ARHGEF11: variants seen among roughly 807,000 people sequenced by gnomAD.
ARHGEF11 encodes the protein Rho guanine nucleotide exchange factor 11, also known as Rho guanine exchange factor (GEF) 11.
ARHGEF11 carries 55 observed loss-of-function variants against 193.7 expected under a neutral mutation model. That is an observed-to-expected ratio of 0.28 (90% CI 0.23 to 0.36). The LOEUF (loss-of-function observed/expected upper bound fraction) is 0.36. Among genes scored for constraint, ARHGEF11 ranks in the 10% least tolerant of loss-of-function variants. The pLI is 1.00. For missense variants in ARHGEF11, 1,723 were observed against 2,005.6 expected (o/e 0.86, Z 2.69); for synonymous variants, 693 against 768.0 (o/e 0.90, Z 1.62).
intron 1 of ARHGEF11, among the ~76,000 whole-genome samples, chr1:157,027,594 G>A (rs1302856727): frequency 6.6e-6 from 1 of 152,150 alleles, no homozygotes; most frequent in African/African-American, 2.4e-5. Flanking sequence ...TGAAGGAGAG[G>A]AGGGACAAAA....
rs1654934994 is a variant in ARHGEF11 at position 156,935,796 on chromosome 1, G to A, written c.*204C>T. 2 of 593,178 alleles carry A rather than the reference G, an allele frequency of 3.4e-6. No individual in the cohort carries two copies. Among genetic ancestry groups the A allele is most frequent in the Non-Finnish European group, 5.9e-6 (2 of 337,422 alleles). The allele number at this position is 593,178 out of a possible 1,614,324, so 36.7% of individuals were successfully genotyped here. A position where few individuals can be genotyped will look rare whatever the true frequency, so the allele number is the denominator to read the frequency against. Reference sequence around the variant, plus strand: ...GAGGCCTTGGAGGGTTGGGCTAAGGGAGGGAAAAGACACTGAAACCTGACT... The same window carrying A: ...GAGGCCTTGGAGGGTTGGGCTAAGGAAGGGAAAAGACACTGAAACCTGACT... On this transcript the variant is annotated 3_prime_UTR_variant, in exon 41 of 41. Coordinates refer to ENST00000368194, the MANE Select transcript of ARHGEF11 (RefSeq NM_198236.3).
chr1:156,935,549 C>A lies in ARHGEF11; in HGVS notation c.*451G>T. On this transcript the variant is annotated 3_prime_UTR_variant, in exon 41 of 41. Transcript: ENST00000368194. ...ACGATACATACATATTTATAGGAAA[C>A]CAAAGTGACAAAGAGGGGAGGGGAG... is the stretch of plus-strand genomic sequence containing the variant. 6.2e-6 allele frequency: 1 copy of A among 160,126 alleles called. No homozygotes were observed. Among genetic ancestry groups the A allele is most frequent in the Non-Finnish European group, 1.4e-5 (1 of 73,294 alleles). 9.9% of individuals were successfully genotyped at this position (160,126 alleles called of 1,614,324 possible).
Position 156,977,018 on chromosome 1 carries a change from T to C in ARHGEF11, c.547A>G (p.Arg183Gly). ...TTTTCTTCCTGCCTCAGCATATTCC[T>C]GAGGATCTGGGTGGCATGTTTTTGA... ...EVQKHATQIL[R>G]NMLRQEEKEL... The change falls in exon 7 of 41, where the codon AGG becomes GGG. Residue 183 changes from arginine to glycine, a missense_variant. Coordinates refer to ENST00000368194, the MANE Select transcript of ARHGEF11 (RefSeq NM_198236.3). The C allele has an allele frequency of 6.2e-7, 1 of 1,614,072 alleles. No individual in the cohort carries two copies. The highest frequency in any genetic ancestry group is 8.5e-7 in the Non-Finnish European group (1 of 1,179,964).
At chr1:157,046,778 G>A (rs1673353487), upstream of ARHGEF11, among the ~76,000 whole-genome samples, 1 of 152,118 alleles carries the variant, frequency 6.6e-6, no homozygotes, top group Non-Finnish European at 1.5e-5. Context: ...AATCATTAAG[G>A]CCGAGGCGGG....
chr1:156,995,667 T>C (rs1363413892), intron 1 of ARHGEF11, among the ~76,000 whole-genome samples: 2 of 149,956 alleles, frequency 1.3e-5, no homozygotes, highest in African/African-American at 2.4e-5. Context: ...GCTCAAGCAA[T>C]CCTCCCACCT....
At position 156,944,085 on chromosome 1, in the gene ARHGEF11, G is replaced by A. The variant is rs1657622906; in HGVS notation, c.3085C>T (p.Leu1029=). The change falls in exon 32 of 41, where the codon CTG becomes TTG. Residue 1029 remains leucine (L), a synonymous_variant. Coordinates refer to ENST00000368194, the MANE Select transcript of ARHGEF11 (RefSeq NM_198236.3). ...DKTLDLHVLL[L]EDLLVLLQKQ... is the part of the protein sequence containing the mutation. ...TGTAGCAGCACTAGGAGGTCCTCCAGCAGCAGCACGTGGAGGTCTGGAGGG... is the reference window on the plus strand; with the variant it reads ...TGTAGCAGCACTAGGAGGTCCTCCAACAGCAGCACGTGGAGGTCTGGAGGG... 2 of 1,613,788 alleles carry A rather than the reference G, an allele frequency of 1.2e-6. No homozygotes were observed. The highest frequency in any genetic ancestry group is 1.3e-5 in the African/African-American group (1 of 74,922).
Position 156,946,929 on chromosome 1 carries a change from G to A in ARHGEF11, c.2568+7C>T, listed in dbSNP as rs377610989. On this transcript the variant is annotated splice_region_variant and intron_variant, in intron 27 of 40. Coordinates refer to ENST00000368194, the MANE Select transcript of ARHGEF11 (RefSeq NM_198236.3). ...CCTTGCCAAGAGGGAGAAGTTTGGA[G>A]CCATACCCGGGCCAGCATGAGGTCA... 3 of 1,613,932 alleles carry A rather than the reference G, an allele frequency of 1.9e-6. No individual in the cohort carries two copies. Among genetic ancestry groups the A allele is most frequent in the African/African-American group, 2.7e-5 (2 of 75,054 alleles).
At chr1:156,986,366 G>A (rs951621451) in intron 1 of ARHGEF11, among the ~76,000 whole-genome samples, 193 bp from the exon 2 acceptor site, 13 of 152,080 alleles carry the variant, frequency 8.5e-5, no homozygotes. Context: ...GGAATCCTGG[G>A]CTGGCAGGGC....
intron 28 of ARHGEF11, 133 bp downstream of exon 28, chr1:156,946,529 T>C: frequency 2.3e-6 from 3 of 1,296,762 alleles, no homozygotes; most frequent in Non-Finnish European, 2.2e-6. Context: ...TCAGTGCTTT[T>C]GAGGAGCGTG....
chr1:156,978,630 C>G (rs1663610272), intron 5 of ARHGEF11, among the ~76,000 whole-genome samples: 1 of 152,326 alleles, frequency 6.6e-6, no homozygotes, highest in Middle Eastern at 3.4e-3. Context: ...GGAACACGCC[C>G]CACAGGCTGC....
chr1:156,937,100 G>T, intron 39 of ARHGEF11, 95 bp from the exon 40 acceptor site: 1 of 1,567,610 alleles, frequency 6.4e-7, no homozygotes, highest in South Asian at 1.2e-5. Context: ...AGGAGGGTGT[G>T]ATTTAAGGGT....
At chr1:156,954,780 G>C (rs759164164) in intron 21 of ARHGEF11, 112 bp downstream of exon 21, 16 of 902,134 alleles carry the variant, frequency 1.8e-5, no homozygotes, top group Non-Finnish European at 2.3e-5. Context: ...AAGAAAGGGA[G>C]GGAGGAGGAA....
intron 1 of ARHGEF11, among the ~76,000 whole-genome samples, chr1:156,989,626 C>A (rs939478231): frequency 1.3e-5 from 2 of 152,204 alleles, no homozygotes; most frequent in African/African-American, 4.8e-5. Context: ...CCACCTCTGA[C>A]TTGATGGTTG....
At chr1:157,031,001 A>C (rs1449859236) in intron 1 of ARHGEF11, among the ~76,000 whole-genome samples, 1 of 134,020 alleles carries the variant, frequency 7.5e-6, no homozygotes, top group African/African-American at 2.9e-5. Context: ...TCCCTCCTTT[A>C]ATCCTGTCAC....
chr1:157,019,579 A>G (rs994882720), intron 1 of ARHGEF11, among the ~76,000 whole-genome samples: 1 of 152,248 alleles, frequency 6.6e-6, no homozygotes, highest in African/African-American at 2.4e-5. Context: ...AGACCTGTAC[A>G]TGAATGTTCA....
In ARHGEF11 at chr1:156,939,532, C is replaced by T. The variant is rs201904823; in HGVS notation, c.4096+16G>A. 42 of 1,607,724 alleles carry T rather than the reference C, an allele frequency of 2.6e-5. No homozygotes were observed. Among genetic ancestry groups the T allele is most frequent in the Non-Finnish European group, 3.4e-5 (40 of 1,179,984 alleles). ...AGGGTGCTTGTCTCCCCACTGGACA[C>T]TCCCATTTATTTTACCTTTTCTCAC... is the stretch of plus-strand genomic sequence containing the variant. On this transcript the variant is annotated intron_variant, in intron 37 of 40. Coordinates refer to ENST00000368194, the MANE Select transcript of ARHGEF11 (RefSeq NM_198236.3).
At chr1:157,003,922 T>C (rs1294909885) in intron 1 of ARHGEF11, among the ~76,000 whole-genome samples, 1 of 152,246 alleles carries the variant, frequency 6.6e-6, no homozygotes, top group African/African-American at 2.4e-5. Context: ...AGGGCACACA[T>C]TAAGTGCTTA....
At chr1:156,988,805 AT>A (rs1300490352) in intron 1 of ARHGEF11, among the ~76,000 whole-genome samples, 4 of 151,936 alleles carry the variant, frequency 2.6e-5, no homozygotes, top group South Asian at 2.1e-4. Flanking sequence ...TGCAAAAAAA[AT>A]TTTTTTTTCT....
rs768508284 is a variant in ARHGEF11 at position 156,937,314 on chromosome 1, G to C, written c.4375C>G (p.Leu1459Val). The change falls in exon 39 of 41, where the codon CTC becomes GTC. Residue 1459 changes from leucine (L) to valine (V), a missense_variant. This residue lies in a region of ARHGEF11 where 360 missense variants were observed against 344.4 expected (regional missense o/e 1.05). Coordinates refer to ENST00000368194, the MANE Select transcript of ARHGEF11 (RefSeq NM_198236.3). The stretch of plus-strand genomic sequence containing the variant: ...TGGAAGATCATGCCCACGTCCCTGA[G>C]GGCCAGGCTTGGAGGAGAGCGGCTG... ...RPSRSPPSLA[L>V]RDVGMIFHTI... 6.2e-7 allele frequency: 1 copy of C among 1,613,862 alleles called. No homozygotes were observed. Among genetic ancestry groups the C allele is most frequent in the African/African-American group, 1.3e-5 (1 of 74,890 alleles).
Sources: gnomAD v4.1 joint callset for allele counts (sites outside exome capture counted in the v4.1 genomes callset) on GRCh38, gnomAD v4.1.1 for gene constraint, gnomAD v4.1.1 regional missense constraint, MANE v1.5 for transcripts, NCBI Gene and HGNC (gene_info 2026-07-23, HGNC 2026-07-21) for gene names.